The following VSX2 variants were observed in gnomAD, a reference collection of about 807,000 sequenced individuals.
VSX2 encodes visual system homeobox 2.
A neutral mutation model predicts 32.1 loss-of-function variants in VSX2; 28 were observed. That is an observed-to-expected ratio of 0.87 (90% confidence interval 0.65 to 1.20). The LOEUF is 1.20. Ranked by LOEUF, VSX2 falls within the 50% of genes most tolerant of loss-of-function variation. The pLI is 0.00. For missense variants in VSX2, 506 were observed against 488.7 expected (o/e 1.04, Z -0.33); for synonymous variants, 243 against 214.1 (o/e 1.14, Z -1.18).
intron 2 of VSX2, among the ~76,000 whole-genome samples, chr14:74,244,772 G>A (rs963452504): frequency 6.6e-6 from 1 of 151,874 alleles, no homozygotes; most frequent in African/African-American, 2.4e-5. Context: ...AAATGTCACT[G>A]AGGGCTGAAA....
In VSX2 at chr14:74,262,317, C is replaced by T. The variant is rs1404099047; in HGVS notation, c.*1398C>T. The T allele has an allele frequency of 1.3e-5, 2 of 152,276 alleles. No homozygotes were observed. Among genetic ancestry groups the T allele is most frequent in the Non-Finnish European group, 2.9e-5 (2 of 68,086 alleles). 9.4% of individuals were successfully genotyped at this position (152,276 alleles called of 1,614,324 possible). ...TCTCCGGCCTGGCCTTTTCCATTCG[C>T]ATGAACAATGGGAGCACATAGCCCT... On this transcript the variant is annotated 3_prime_UTR_variant, in exon 5 of 5. Transcript: ENST00000261980.
Position 74,260,652 on chromosome 14 carries a change from A to T in VSX2, c.819A>T (p.Glu273Asp). 1.9e-6 allele frequency: 3 copies of T among 1,604,932 alleles called. No individual in the cohort carries two copies. ...AGTCGGGGAGGAAGCCCGAGGGGGA[A>T]CGCCAGGCCCTGCCCAAGCTCGACA... Reference protein sequence around the residue: ...AAESGRKPEGERQALPKLDKM... With the variant: ...AAESGRKPEGDRQALPKLDKM... The change falls in exon 5 of 5, where the codon GAA becomes GAT. Residue 273 changes from glutamate to aspartate, a missense_variant. Coordinates refer to ENST00000261980, the MANE Select transcript of VSX2 (RefSeq NM_182894.3).
At chr14:74,243,122 C>T (rs1195048737) in intron 2 of VSX2, among the ~76,000 whole-genome samples, 3 of 152,164 alleles carry the variant, frequency 2.0e-5, no homozygotes, top group Admixed American at 6.6e-5. Context: ...ACATTTTACT[C>T]GAGCTTCTGT....
At chr14:74,256,184 A>G (rs1348913702) in intron 3 of VSX2, among the ~76,000 whole-genome samples, 1 of 152,152 alleles carries the variant, frequency 6.6e-6, no homozygotes, top group Non-Finnish European at 1.5e-5. Flanking sequence ...TAATCCCAGC[A>G]CTTTGGGAGG....
chr14:74,246,162 G>A (rs2139634833), intron 3 of VSX2, among the ~76,000 whole-genome samples: 1 of 152,358 alleles, frequency 6.6e-6, no homozygotes, highest in Non-Finnish European at 1.5e-5. Flanking sequence ...GTCTTAGCTG[G>A]TGCTCAACCT....
rs189770156 is a variant in VSX2, at chr14:74,250,150, T to A, written c.579+4862T>A. Among the ~76,000 whole-genome samples, 103 of 152,102 alleles carry A rather than the reference T, an allele frequency of 6.8e-4. 1 individual carries two copies. Among genetic ancestry groups the A allele is most frequent in the Admixed American group, 6.7e-3 (102 of 15,282 alleles). Reference sequence around the variant, plus strand: ...TACTTGGGAGGCTGAGGTGGGAGGATTACTTGAGTCCAGGAGGTCAAGGCT... The same window carrying A: ...TACTTGGGAGGCTGAGGTGGGAGGAATACTTGAGTCCAGGAGGTCAAGGCT... On this transcript the variant is annotated intron_variant, in intron 3 of 4. Coordinates refer to ENST00000261980, the MANE Select transcript of VSX2 (RefSeq NM_182894.3).
chr14:74,248,021 G>A (rs1365051806), intron 3 of VSX2, among the ~76,000 whole-genome samples: 4 of 152,052 alleles, frequency 2.6e-5, no homozygotes, highest in Non-Finnish European at 5.9e-5. Context: ...TTTGACAGAT[G>A]GGGAACCTGA....
At chr14:74,245,058 T>C in intron 2 of VSX2, 107 bp from the exon 3 acceptor site, 2 of 1,473,534 alleles carry the variant, frequency 1.4e-6, no homozygotes, top group South Asian at 1.2e-5. Flanking sequence ...TGAGCCAGCC[T>C]GGGTTCGGGG....
chr14:74,259,008 G>A (rs1198447184), intron 3 of VSX2, among the ~76,000 whole-genome samples: 3 of 152,198 alleles, frequency 2.0e-5, no homozygotes, highest in South Asian at 2.1e-4. Flanking sequence ...CTGGGACAGG[G>A]TGGAGGAGGC....
chr14:74,254,940 C>G (rs951597655), intron 3 of VSX2, among the ~76,000 whole-genome samples: 1 of 151,904 alleles, frequency 6.6e-6, no homozygotes, highest in Non-Finnish European at 1.5e-5. Flanking sequence ...CCACCACACC[C>G]GGCTAATTTT....
chr14:74,246,601 G>C (rs1803084725), intron 3 of VSX2, among the ~76,000 whole-genome samples: 2 of 152,246 alleles, frequency 1.3e-5, no homozygotes, highest in South Asian at 4.1e-4. Flanking sequence ...ATGTTGAATT[G>C]TGTGTGTGCA....
intron 2 of VSX2, among the ~76,000 whole-genome samples, chr14:74,243,738 G>T (rs1375160121): frequency 1.3e-5 from 2 of 151,574 alleles, no homozygotes; most frequent in Non-Finnish European, 2.9e-5. Flanking sequence ...AAACGATTTA[G>T]AATCAAACCA....
At chr14:74,244,920 G>A (rs1316529208) in intron 2 of VSX2, among the ~76,000 whole-genome samples, 10 of 83,266 alleles carry the variant, frequency 1.2e-4, no homozygotes, top group African/African-American at 3.2e-4. Context: ...GTGTGTGTGT[G>A]TGTGTGTGTG....
rs991679625 is a variant in VSX2 at position 74,245,064 on chromosome 14, C to T, written c.456-101C>T. Reference sequence around the variant, plus strand: ...CTATTGTGCTGAGCCAGCCTGGGTTCGGGGCCTGCCCAGGAGACACAGAGG... The same window carrying T: ...CTATTGTGCTGAGCCAGCCTGGGTTTGGGGCCTGCCCAGGAGACACAGAGG... On this transcript the variant is annotated intron_variant, in intron 2 of 4. Coordinates refer to ENST00000261980, the MANE Select transcript of VSX2 (RefSeq NM_182894.3). The T allele has an allele frequency of 3.1e-5, 47 of 1,518,672 alleles. No homozygotes were observed. In the East Asian group the frequency reaches 3.2e-4, roughly 10 times the overall value. The allele number at this position is 1,518,672 out of a possible 1,614,324, so 94.1% of individuals were successfully genotyped here. A position where few individuals can be genotyped will look rare whatever the true frequency, so the allele number is the denominator to read the frequency against.
rs1442342093 is a variant in VSX2 at position 74,261,046 on chromosome 14, C to G, written c.*127C>G. 44 of 1,134,568 alleles carry G rather than the reference C, an allele frequency of 3.9e-5. No homozygotes were observed. Among genetic ancestry groups the G allele is most frequent in the Non-Finnish European group, 5.4e-5 (43 of 792,778 alleles). The allele number at this position is 1,134,568 out of a possible 1,614,324, so 70.3% of individuals were successfully genotyped here. A position where few individuals can be genotyped will look rare whatever the true frequency, so the allele number is the denominator to read the frequency against. On this transcript the variant is annotated 3_prime_UTR_variant, in exon 5 of 5. Transcript: ENST00000261980. ...CCATCCTCCCTGTTCCCCACAGGTCCTCCATCACCCCTGGTGGCTGCAGGC... is the reference window on the plus strand; with the variant it reads ...CCATCCTCCCTGTTCCCCACAGGTCGTCCATCACCCCTGGTGGCTGCAGGC...
chr14:74,242,313 C>T (rs1276877000), intron 2 of VSX2, among the ~76,000 whole-genome samples: 1 of 152,158 alleles, frequency 6.6e-6, no homozygotes, highest in African/African-American at 2.4e-5. Flanking sequence ...TCTCTGGCAC[C>T]CCCGCCGCCA....
intron 3 of VSX2, among the ~76,000 whole-genome samples, chr14:74,252,910 A>C (rs1013433871): frequency 1.3e-5 from 2 of 151,820 alleles, no homozygotes; most frequent in African/African-American, 2.4e-5. Context: ...TAAGCCGGGC[A>C]TGGTGGCGGG....
rs10151881 is a variant in VSX2, at chr14:74,258,816, G to A, written c.580-786G>A. Among the ~76,000 whole-genome samples, 882 of 152,304 alleles carry A rather than the reference G, an allele frequency of 5.8e-3. 8 individuals carry two copies. The highest frequency in any genetic ancestry group is 0.02 in the African/African-American group (829 of 41,556). On this transcript the variant is annotated intron_variant, in intron 3 of 4. Coordinates refer to ENST00000261980, the MANE Select transcript of VSX2 (RefSeq NM_182894.3). ...TGCACCAATCAGCTTTGGGGCCAGAGACACATTCGCTAGTGCTTCCTCCGC... is the reference window on the plus strand; with the variant it reads ...TGCACCAATCAGCTTTGGGGCCAGAAACACATTCGCTAGTGCTTCCTCCGC...
rs1485099794 is a variant in VSX2 at position 74,239,545 on chromosome 14, C to T, written c.-17C>T. Reference sequence around the variant, plus strand: ...AGCTAAAGACCTGCGGCCTCAGCCCCTCCAAAGAACAGGGAGATGACGGGG... The same window carrying T: ...AGCTAAAGACCTGCGGCCTCAGCCCTTCCAAAGAACAGGGAGATGACGGGG... On this transcript the variant is annotated 5_prime_UTR_variant, in exon 1 of 5. Coordinates refer to ENST00000261980, the MANE Select transcript of VSX2 (RefSeq NM_182894.3). The T allele has an allele frequency of 4.5e-6, 7 of 1,550,878 alleles. No individual in the cohort carries two copies. The highest frequency in any genetic ancestry group is 3.4e-4 in the Middle Eastern group (2 of 5,938).
Sources: gnomAD v4.1 joint callset for allele counts (sites outside exome capture counted in the v4.1 genomes callset) on GRCh38, gnomAD v4.1.1 for gene constraint, MANE v1.5 for transcripts, NCBI Gene and HGNC (gene_info 2026-07-23, HGNC 2026-07-21) for gene names.